Variants in CCDC171 observed in about 807,000 individuals in gnomAD.
CCDC171 encodes the protein coiled-coil domain-containing protein 171.
Under a neutral mutation model 168.2 loss-of-function variants are expected in CCDC171, and 177 were observed. That is an observed-to-expected ratio of 1.05 (90% CI 0.93 to 1.19). CCDC171 has a LOEUF of 1.19. Ranked by LOEUF, CCDC171 falls within the 50% of genes most tolerant of loss-of-function variation. CCDC171 has a pLI of 0.00. For synonymous variants in CCDC171, 687 were observed against 540.8 expected, an observed-to-expected ratio of 1.27 and a Z score of -3.75; for missense variants, 1,991 against 1,539.0, an observed-to-expected ratio of 1.29 and a Z score of -4.91.
chr9:15,579,157 C>G (rs1000983948), intron 4 of CCDC171, 134 bp downstream of exon 4: 16 of 621,656 alleles, frequency 2.6e-5, no homozygotes, highest in Non-Finnish European at 4.2e-5. Flanking sequence ...GATGTACAGA[C>G]TTAGCTGGGT....
intron 3 of CCDC171, among the ~76,000 whole-genome samples, chr9:15,992,102 C>T (rs192507691): frequency 1.3e-5 from 2 of 152,096 alleles, no homozygotes; most frequent in Non-Finnish European, 2.9e-5. Flanking sequence ...ATCCTGATAC[C>T]AAAGCCTGGC....
intron 16 of CCDC171, among the ~76,000 whole-genome samples, chr9:15,733,739 C>A (rs2054298781): frequency 6.2e-5 from 1 of 16,018 alleles, no homozygotes; most frequent in Non-Finnish European, 1.5e-4. Flanking sequence ...ATGTCCTGAA[C>A]TCTTTGAAAA....
chr9:15,622,401 A>G (rs1362284666), intron 6 of CCDC171, among the ~76,000 whole-genome samples: 1 of 152,192 alleles, frequency 6.6e-6, no homozygotes, highest in Non-Finnish European at 1.5e-5. Context: ...AGAATCTTTG[A>G]TAGAGAATTA....
At position 15,654,167 on chromosome 9, in the gene CCDC171, C is replaced by A. The variant is rs923676153; in HGVS notation, c.823-2960C>A. Among the ~76,000 whole-genome samples the A allele has an allele frequency of 1.9e-4, 28 of 151,116 alleles. 1 individual carries two copies. The highest frequency in any genetic ancestry group is 3.2e-4 in the Non-Finnish European group (22 of 67,798). On this transcript the variant is annotated intron_variant, in intron 7 of 25. Coordinates refer to ENST00000380701, the MANE Select transcript of CCDC171 (RefSeq NM_173550.4). ...CTTTGGATTTAAATTACCTTGAGACCCAAAAGGATCATATTTGGATTTATT... is the reference window on the plus strand; with the variant it reads ...CTTTGGATTTAAATTACCTTGAGACACAAAAGGATCATATTTGGATTTATT...
intron 1 of CCDC171, among the ~76,000 whole-genome samples, chr9:15,560,347 G>T (rs921033789): frequency 6.6e-6 from 1 of 152,094 alleles, no homozygotes. Context: ...CATTCTCCCC[G>T]TCACTTTCAG....
chr9:15,630,590 C>T (rs1006137110), intron 7 of CCDC171, among the ~76,000 whole-genome samples: 2 of 152,154 alleles, frequency 1.3e-5, no homozygotes, highest in African/African-American at 2.4e-5. Flanking sequence ...GACTTTAACA[C>T]CCCACTGTCA....
At chr9:15,905,851 A>G (rs1822501688) in intron 24 of CCDC171, among the ~76,000 whole-genome samples, 1 of 152,208 alleles carries the variant, frequency 6.6e-6, no homozygotes, top group Admixed American at 6.5e-5. Flanking sequence ...ATCACCACCA[A>G]TCCCAAAGAA....
chr9:15,579,847 T>C (rs550831304), intron 4 of CCDC171, among the ~76,000 whole-genome samples: 2 of 152,362 alleles, frequency 1.3e-5, no homozygotes, highest in African/African-American at 2.4e-5. Flanking sequence ...TCCACACTTA[T>C]ATTTATCCAT....
At chr9:15,636,523 C>T (rs893021473) in intron 7 of CCDC171, among the ~76,000 whole-genome samples, 4 of 151,750 alleles carry the variant, frequency 2.6e-5, no homozygotes, top group Non-Finnish European at 5.9e-5. Flanking sequence ...CAGAGGTGGG[C>T]AGATCACTTG....
At chr9:16,101,652 G>A in the CCDC171 span, among the ~76,000 whole-genome samples, 1 of 152,266 alleles carries the variant, frequency 6.6e-6, no homozygotes, top group Non-Finnish European at 1.5e-5. Flanking sequence ...GAAAAAGGAA[G>A]TCAGGCCTTT....
intron 10 of CCDC171, among the ~76,000 whole-genome samples, chr9:15,688,212 A>C (rs2050547546): frequency 6.6e-6 from 1 of 152,022 alleles, no homozygotes; most frequent in Admixed American, 6.6e-5. Context: ...AAATCAAAAG[A>C]GATTGAATTA....
intron 18 of CCDC171, among the ~76,000 whole-genome samples, chr9:15,752,502 A>C (rs1483432250): frequency 6.6e-6 from 1 of 152,228 alleles, no homozygotes; most frequent in African/African-American, 2.4e-5. Flanking sequence ...CCTAATGTCC[A>C]TCAATAATAG....
chr9:15,647,238 A>T (rs1305826848), intron 7 of CCDC171, among the ~76,000 whole-genome samples: 1 of 152,212 alleles, frequency 6.6e-6, no homozygotes, highest in Non-Finnish European at 1.5e-5. Context: ...AATCTCTGGG[A>T]CACATTCAAA....
intron 18 of CCDC171, among the ~76,000 whole-genome samples, chr9:15,746,274 T>G (rs969516428): frequency 2.0e-5 from 3 of 152,236 alleles, no homozygotes; most frequent in Non-Finnish European, 4.4e-5. Flanking sequence ...GACTTAAGAT[T>G]TGTCTGTTTA....
chr9:16,080,438 C>A, the CCDC171 span, among the ~76,000 whole-genome samples: 1 of 152,114 alleles, frequency 6.6e-6, no homozygotes, highest in African/African-American at 2.4e-5. Context: ...TGTTAAGCTT[C>A]TTAATTGTTT....
At chr9:15,692,514 A>T (rs1410232636) in intron 10 of CCDC171, among the ~76,000 whole-genome samples, 3 of 151,824 alleles carry the variant, frequency 2.0e-5, no homozygotes, top group Admixed American at 2.0e-4. Flanking sequence ...CTTCTCAGAG[A>T]CAACCATCAT....
At chr9:16,094,531 C>A in the CCDC171 span, among the ~76,000 whole-genome samples, 4,389 of 152,018 alleles carry the variant, frequency 0.029, 203 homozygotes, top group African/African-American at 0.099. Flanking sequence ...GAGGGAGGGG[C>A]AAGAGTCAAG....
chr9:15,790,439 G>A (rs1308294754), intron 21 of CCDC171, among the ~76,000 whole-genome samples: 4 of 152,022 alleles, frequency 2.6e-5, no homozygotes, highest in East Asian at 3.9e-4. Context: ...TTTTTGATGC[G>A]GTTGTTTGTT....
At chr9:15,745,191 G>T (rs1348072543) in intron 17 of CCDC171, among the ~76,000 whole-genome samples, 1 of 152,192 alleles carries the variant, frequency 6.6e-6, no homozygotes, top group Non-Finnish European at 1.5e-5. Context: ...GTGTGAAAAT[G>T]AGACAAATGT....
Sources: gnomAD v4.1 joint callset for allele counts (sites outside exome capture counted in the v4.1 genomes callset) on GRCh38, gnomAD v4.1.1 for gene constraint, MANE v1.5 for transcripts, NCBI Gene and HGNC (gene_info 2026-07-23, HGNC 2026-07-21) for gene names.